Variants in DENND5B observed in about 807,000 individuals in gnomAD.
The protein encoded by DENND5B is DENN domain containing 5B, also known as DENN domain-containing protein 5B.
DENND5B carries 34 observed loss-of-function variants against 140.6 expected under a neutral mutation model. That is an observed-to-expected ratio of 0.24 (90% CI 0.18 to 0.32). The LOEUF (loss-of-function observed/expected upper bound fraction) is 0.32. DENND5B is among the 10% of genes least tolerant of loss of function. DENND5B has a pLI of 1.00. For missense variants in DENND5B, 1,142 were observed against 1,560.2 expected (o/e 0.73, Z 4.52); for synonymous variants, 551 against 562.1 (o/e 0.98, Z 0.28).
intron 4 of DENND5B, 80 bp from the exon 5 acceptor site, chr12:31,452,556 T>C (rs766708235): frequency 5.6e-5 from 80 of 1,422,320 alleles, no homozygotes; most frequent in Non-Finnish European, 7.5e-5. Context: ...CCAGCCACAG[T>C]GGCTCACACA....
intron 1 of DENND5B, among the ~76,000 whole-genome samples, chr12:31,541,775 T>C (rs1157327971): frequency 2.6e-5 from 4 of 152,158 alleles, no homozygotes; most frequent in African/African-American, 4.8e-5. Context: ...CTATTCACAA[T>C]AGCTAAGATT....
intron 1 of DENND5B, among the ~76,000 whole-genome samples, chr12:31,574,295 A>AATAATAATAATAATT (rs374578025): frequency 0.075 from 10,890 of 144,346 alleles, 544 homozygotes; most frequent in Middle Eastern, 0.19. Flanking sequence ...TAATAATAAT[A>AATAATAATAATAATT]ATTTAAAAGG....
intron 1 of DENND5B, among the ~76,000 whole-genome samples, chr12:31,512,788 T>C (rs1005234510): frequency 6.6e-6 from 1 of 152,210 alleles, no homozygotes; most frequent in East Asian, 1.9e-4. Flanking sequence ...ATTTTTAGAA[T>C]GGTTTTAGAT....
chr12:31,522,893 A>G (rs1283412651), intron 1 of DENND5B, among the ~76,000 whole-genome samples: 2 of 151,974 alleles, frequency 1.3e-5, no homozygotes, highest in Admixed American at 6.6e-5. Context: ...AGTTTTATTG[A>G]GGGTGGCTTC....
chr12:31,462,832 A>C (rs1307881572), intron 3 of DENND5B, among the ~76,000 whole-genome samples: 1 of 152,092 alleles, frequency 6.6e-6, no homozygotes, highest in Admixed American at 6.6e-5. Context: ...GGTGGCAGGC[A>C]CCTGTAATCC....
intron 1 of DENND5B, among the ~76,000 whole-genome samples, chr12:31,543,445 T>G (rs1948753594): frequency 6.6e-6 from 1 of 152,164 alleles, no homozygotes; most frequent in Admixed American, 6.6e-5. Flanking sequence ...AAAGTTTTTA[T>G]AAGGTAAGTG....
At chr12:31,506,961 C>T (rs1297527303) in intron 1 of DENND5B, among the ~76,000 whole-genome samples, 2 of 152,160 alleles carry the variant, frequency 1.3e-5, no homozygotes, top group African/African-American at 4.8e-5. Flanking sequence ...AAATCATTGG[C>T]TACAAGACTA....
chr12:31,575,919 T>C (rs897065110), intron 1 of DENND5B, among the ~76,000 whole-genome samples: 4 of 151,810 alleles, frequency 2.6e-5, no homozygotes. Flanking sequence ...TGAGCCAAGA[T>C]CACGCCACTG....
At chr12:31,487,609 C>T (rs970764475) in intron 2 of DENND5B, among the ~76,000 whole-genome samples, 3 of 151,914 alleles carry the variant, frequency 2.0e-5, no homozygotes, top group South Asian at 2.1e-4. Flanking sequence ...GGCTGAGGCA[C>T]GAGAATCGCA....
intron 8 of DENND5B, among the ~76,000 whole-genome samples, chr12:31,427,028 T>C (rs1423486875): frequency 6.6e-6 from 1 of 152,118 alleles, no homozygotes. Flanking sequence ...CATGCCCCCC[T>C]ACCTCCCCAA....
intron 10 of DENND5B, 58 bp downstream of exon 10, chr12:31,424,477 A>G: frequency 6.7e-7 from 1 of 1,497,580 alleles, no homozygotes. Flanking sequence ...TCTCCTTGTT[A>G]CATTTCTTAA....
At chr12:31,478,444 C>A (rs902910333) in intron 3 of DENND5B, among the ~76,000 whole-genome samples, 1 of 152,196 alleles carries the variant, frequency 6.6e-6, no homozygotes, top group Non-Finnish European at 1.5e-5. Context: ...ATGCTTCATG[C>A]CTGTAATTCC....
At chr12:31,486,166 G>C (rs938561206) in intron 2 of DENND5B, among the ~76,000 whole-genome samples, 1 of 152,214 alleles carries the variant, frequency 6.6e-6, no homozygotes, top group Non-Finnish European at 1.5e-5. Context: ...GGACTTTTGG[G>C]AAGTGATTAA....
At chr12:31,586,800 G>A (rs1257124016) in intron 1 of DENND5B, among the ~76,000 whole-genome samples, 3 of 152,126 alleles carry the variant, frequency 2.0e-5, no homozygotes, top group East Asian at 1.9e-4. Flanking sequence ...CTAGAGGCAC[G>A]GTGACAACTT....
chr12:31,492,695 T>G (rs985384073), intron 2 of DENND5B, among the ~76,000 whole-genome samples: 2 of 152,250 alleles, frequency 1.3e-5, no homozygotes, highest in Non-Finnish European at 2.9e-5. Flanking sequence ...TTTTCCTAAA[T>G]GCCTTTCTAT....
chr12:31,488,020 A>G (rs79869861), intron 2 of DENND5B, among the ~76,000 whole-genome samples: 13,117 of 152,066 alleles, frequency 0.086, 851 homozygotes, highest in East Asian at 0.25. Flanking sequence ...CAGTGGTGTG[A>G]TGTCAGCTTA....
chr12:31,526,868 A>G (rs149127281), intron 1 of DENND5B, among the ~76,000 whole-genome samples: 2 of 152,358 alleles, frequency 1.3e-5, no homozygotes, highest in Admixed American at 1.3e-4. Flanking sequence ...AAGTTATTTC[A>G]AAATACTGTT....
At chr12:31,434,437 G>A (rs537400085) in intron 7 of DENND5B, among the ~76,000 whole-genome samples, 5 of 152,286 alleles carry the variant, frequency 3.3e-5, no homozygotes, top group South Asian at 4.1e-4. Flanking sequence ...TGGTATGGCC[G>A]AAGATGTAAG....
At chr12:31,588,843 C>T (rs1426010433) in intron 1 of DENND5B, among the ~76,000 whole-genome samples, 2 of 152,130 alleles carry the variant, frequency 1.3e-5, no homozygotes, top group Non-Finnish European at 2.9e-5. Flanking sequence ...TAGATGCTTT[C>T]AAAACTGTTG....
Sources: allele counts gnomAD v4.1 joint callset (sites outside exome capture counted in the v4.1 genomes callset), GRCh38; gene constraint gnomAD v4.1.1; transcripts MANE v1.5; gene names NCBI Gene and HGNC (gene_info 2026-07-23, HGNC 2026-07-21).